TSHZ2: variants seen among roughly 807,000 people sequenced by gnomAD.
The protein encoded by TSHZ2 is teashirt homolog 2.
Under a neutral mutation model 74.4 loss-of-function variants are expected in TSHZ2, and 21 were observed. The ratio of observed to expected loss-of-function variants is 0.28; its 90% CI spans 0.20 to 0.41. The LOEUF (loss-of-function observed/expected upper bound fraction) is 0.41, where lower values mean the gene tolerates loss of function less well. Ranked by LOEUF, TSHZ2 falls within the 10% of genes least tolerant of loss-of-function variation. The pLI is 1.00. For missense variants in TSHZ2, 1,244 were observed against 1,293.5 expected (o/e 0.96, Z 0.59); for synonymous variants, 540 against 515.3 (o/e 1.05, Z -0.65).
chr20:53,343,289 C>T (rs1055212113), intron 2 of TSHZ2, among the ~76,000 whole-genome samples: 7 of 152,112 alleles, frequency 4.6e-5, no homozygotes, highest in East Asian at 1.9e-4. Context: ...TCTAACAAGA[C>T]GGCAGGTGCG....
Position 53,487,655 on chromosome 20 carries a change from T to G in TSHZ2, c.*520T>G, listed in dbSNP as rs1986328030. ...TGGGAACGTTTGTCTAAAGGAAATG[T>G]TTCTGTTCAGTGTAACAATTACAGT... is the stretch of plus-strand genomic sequence containing the variant. On this transcript the variant is annotated 3_prime_UTR_variant, in exon 3 of 3. Coordinates refer to ENST00000371497, the MANE Select transcript of TSHZ2 (RefSeq NM_173485.6). 1 of 152,208 alleles carries G rather than the reference T, an allele frequency of 6.6e-6. No individual in the cohort carries two copies. The highest frequency in any genetic ancestry group is 1.5e-5 in the Non-Finnish European group (1 of 68,034). 9.4% of individuals were successfully genotyped at this position (152,208 alleles called of 1,614,324 possible). A position where few individuals can be genotyped will look rare whatever the true frequency, so the allele number is the denominator to read the frequency against.
chr20:53,152,030 G>A (rs989723633), intron 1 of TSHZ2, among the ~76,000 whole-genome samples: 23 of 152,036 alleles, frequency 1.5e-4, no homozygotes, highest in African/African-American at 5.3e-4. Context: ...AAAATGGGAA[G>A]CATCATCTGG....
At chr20:53,162,013 T>C (rs1987952594) in intron 1 of TSHZ2, among the ~76,000 whole-genome samples, 1 of 152,170 alleles carries the variant, frequency 6.6e-6, no homozygotes, top group South Asian at 2.1e-4. Context: ...TGGAGTCACA[T>C]AGTGACTATA....
intron 1 of TSHZ2, among the ~76,000 whole-genome samples, chr20:53,046,738 C>T (rs1984242477): frequency 6.6e-6 from 1 of 152,142 alleles, no homozygotes; most frequent in Non-Finnish European, 1.5e-5. Flanking sequence ...GGACGTTCAG[C>T]CCCATGACCT....
intron 1 of TSHZ2, among the ~76,000 whole-genome samples, chr20:53,041,637 A>G (rs906160306): frequency 1.3e-5 from 2 of 152,190 alleles, no homozygotes. Context: ...CTTTTAGTTA[A>G]TCCTCGGAGA....
intron 2 of TSHZ2, among the ~76,000 whole-genome samples, chr20:53,396,970 T>C (rs1466726580): frequency 6.6e-6 from 1 of 151,834 alleles, no homozygotes; most frequent in Non-Finnish European, 1.5e-5. Context: ...ATACAAAAAT[T>C]AATTCAAGAT....
At chr20:53,286,253 A>G (rs1457719068) in intron 2 of TSHZ2, among the ~76,000 whole-genome samples, 1 of 152,228 alleles carries the variant, frequency 6.6e-6, no homozygotes, top group African/African-American at 2.4e-5. Flanking sequence ...TGTTGCTATT[A>G]TGAATGCACT....
At chr20:53,114,808 G>GGTGTGT (rs140817682) in intron 1 of TSHZ2, among the ~76,000 whole-genome samples, 1 of 151,060 alleles carries the variant, frequency 6.6e-6, no homozygotes, top group Non-Finnish European at 1.5e-5. Context: ...TTATGCCTGG[G>GGTGTGT]GTGTGTGTGT....
chr20:53,454,575 A>G (rs1286015375), intron 2 of TSHZ2, among the ~76,000 whole-genome samples: 1 of 151,882 alleles, frequency 6.6e-6, no homozygotes, highest in Non-Finnish European at 1.5e-5. Flanking sequence ...AAAAAAAAAA[A>G]AGTCTTTAAA....
chr20:53,367,183 G>T (rs1981294404), intron 2 of TSHZ2, among the ~76,000 whole-genome samples: 1 of 151,906 alleles, frequency 6.6e-6, no homozygotes, highest in Admixed American at 6.6e-5. Flanking sequence ...ATCACTTGAG[G>T]TCCAGAGTTC....
chr20:53,262,224 C>CTT (rs1210385626), intron 2 of TSHZ2, among the ~76,000 whole-genome samples: 1 of 150,020 alleles, frequency 6.7e-6, no homozygotes, highest in Non-Finnish European at 1.5e-5. Context: ...TTGTCTTTTT[C>CTT]TTTTTTTAAC....
At chr20:52,986,851 A>G (rs1473243783) in intron 1 of TSHZ2, among the ~76,000 whole-genome samples, 1 of 152,210 alleles carries the variant, frequency 6.6e-6, no homozygotes, top group Admixed American at 6.5e-5. Flanking sequence ...TTACGGCAAG[A>G]AAAAAGAAGG....
At chr20:53,445,629 A>C (rs939727704) in intron 2 of TSHZ2, among the ~76,000 whole-genome samples, 3 of 152,208 alleles carry the variant, frequency 2.0e-5, no homozygotes, top group Non-Finnish European at 4.4e-5. Context: ...ATGTCCAGGA[A>C]AGCCTGGTAC....
intron 1 of TSHZ2, among the ~76,000 whole-genome samples, chr20:53,033,758 C>T (rs561823443): frequency 4.4e-5 from 6 of 135,166 alleles, no homozygotes; most frequent in East Asian, 2.4e-4. Flanking sequence ...CTCCCTGGTT[C>T]GAGCAATTTG....
chr20:53,420,166 CAGAA>C (rs1249626616), intron 2 of TSHZ2, among the ~76,000 whole-genome samples: 1 of 152,182 alleles, frequency 6.6e-6, no homozygotes, highest in Non-Finnish European at 1.5e-5. Context: ...GTTTAGAACA[CAGAA>C]AGAATCAAAT....
In TSHZ2 at chr20:53,253,936, G is replaced by A. The variant is rs760911576; in HGVS notation, c.478G>A (p.Gly160Ser). The A allele has an allele frequency of 1.9e-5, 31 of 1,614,060 alleles. No individual in the cohort carries two copies. Among genetic ancestry groups the A allele is most frequent in the Middle Eastern group, 1.6e-4 (1 of 6,084 alleles). ...GAGGAGGAACTGTGACACCCGAAACGGCAGCAACAAGAGTGATTTTGATTG... is the reference window on the plus strand; with the variant it reads ...GAGGAGGAACTGTGACACCCGAAACAGCAGCAACAAGAGTGATTTTGATTG... ...SERRNCDTRNGSNKSDFDWHQ... is the reference protein window; with the variant it reads ...SERRNCDTRNSSNKSDFDWHQ... Residue 160 changes from glycine (G) to serine (S), a missense_variant, in exon 2 of 3, where the codon GGC becomes AGC. Coordinates refer to ENST00000371497, the MANE Select transcript of TSHZ2 (RefSeq NM_173485.6).
At chr20:53,012,202 A>T (rs899336530) in intron 1 of TSHZ2, among the ~76,000 whole-genome samples, 3 of 152,134 alleles carry the variant, frequency 2.0e-5, no homozygotes, top group Admixed American at 6.6e-5. Context: ...CTTGCATCCT[A>T]ATTACCAGCG....
At chr20:53,469,047 A>ATT (rs1243248232) in intron 2 of TSHZ2, among the ~76,000 whole-genome samples, 2 of 57,612 alleles carry the variant, frequency 3.5e-5, no homozygotes, top group South Asian at 5.3e-4. Context: ...TCGATATTTT[A>ATT]TATATATATA....
intron 1 of TSHZ2, among the ~76,000 whole-genome samples, chr20:53,003,255 GGTGTGTGTGTGT>G (rs11468763): frequency 4.5e-4 from 63 of 139,602 alleles, no homozygotes; most frequent in South Asian, 1.5e-3. Context: ...CTCCAGGGAT[GGTGTGTGTGTGT>G]GTGTGTGTGT....
Sources: gnomAD v4.1 joint callset for allele counts (sites outside exome capture counted in the v4.1 genomes callset) on GRCh38, gnomAD v4.1.1 for gene constraint, MANE v1.5 for transcripts, NCBI Gene and HGNC (gene_info 2026-07-23, HGNC 2026-07-21) for gene names.